The following CCNH variants were observed in gnomAD, a reference collection of about 807,000 sequenced individuals.
CCNH encodes cyclin-H.
Under a neutral mutation model 41.9 loss-of-function variants are expected in CCNH, and 31 were observed. The observed-to-expected ratio is 0.74, with a 90% CI of 0.56 to 1.00. The LOEUF (loss-of-function observed/expected upper bound fraction) is 1.00. CCNH is among the 50% of genes least tolerant of loss of function. The probability of loss-of-function intolerance (pLI) is 0.00; values close to 1 mark genes in which losing one functional copy is unlikely to be tolerated. For missense variants in CCNH, 362 were observed against 388.4 expected (o/e 0.93, Z 0.57); for synonymous variants, 138 against 136.1 (o/e 1.01, Z -0.10).
chr5:87,371,956 TTTA>T (rs1201746095), downstream of CCNH, among the ~76,000 whole-genome samples: 4 of 151,798 alleles, frequency 2.6e-5, no homozygotes, highest in Non-Finnish European at 4.4e-5. Flanking sequence ...TTATTGTTAT[TTTA>T]TTATTGGTTA....
downstream of CCNH, chr5:87,372,176 C>T (rs1760997238): frequency 6.2e-7 from 1 of 1,613,498 alleles, no homozygotes. Context: ...CCAGGGACAT[C>T]CAATAAACGC....
intron 9 of CCNH, chr5:87,349,505 CAT>C: frequency 1.0e-6 from 1 of 980,928 alleles, no homozygotes; most frequent in South Asian, 1.7e-5. Context: ...TCATAGTAGT[CAT>C]GCCCAAGAAT....
rs975753012 is a variant in CCNH at position 87,353,981 on chromosome 5, G to A, written c.*91-35084C>T. Reference sequence around the variant, plus strand: ...ATAATTTTCCTAAGTGGAAAATGGAGGTACTGTTATTCTAGGGACATAAAG... The same window carrying A: ...ATAATTTTCCTAAGTGGAAAATGGAAGTACTGTTATTCTAGGGACATAAAG... On this transcript the variant is annotated intron_variant and NMD_transcript_variant, in intron 9 of 9. Coordinates refer to the CCNH transcript ENST00000645953. Among the ~76,000 whole-genome samples the A allele has an allele frequency of 5.9e-5, 9 of 152,234 alleles. No homozygotes were observed. The East Asian group carries it at 1.5e-3, about 26-fold the overall frequency.
At chr5:87,353,334 C>A in intron 9 of CCNH, 1 of 907,014 alleles carries the variant, frequency 1.1e-6, no homozygotes, top group Non-Finnish European at 1.8e-6. Context: ...AAATTGGATA[C>A]AACTTAAAAC....
At chr5:87,380,052 T>G (rs1316748417), upstream of CCNH, among the ~76,000 whole-genome samples, 1 of 152,192 alleles carries the variant, frequency 6.6e-6, no homozygotes, top group Non-Finnish European at 1.5e-5. Flanking sequence ...CAAGCCAATA[T>G]GTCTGGTTTG....
At chr5:87,358,938 A>C (rs554274531) in intron 9 of CCNH, among the ~76,000 whole-genome samples, 1 of 132,958 alleles carries the variant, frequency 7.5e-6, no homozygotes, top group African/African-American at 2.8e-5. Context: ...AAAATTTAGC[A>C]AATTAGCAAA....
intron 9 of CCNH, among the ~76,000 whole-genome samples, chr5:87,366,132 C>T (rs887499464): frequency 4.6e-5 from 7 of 152,178 alleles, no homozygotes; most frequent in South Asian, 2.1e-4. Context: ...CAGTAAACTT[C>T]GTCAAATTAT....
At chr5:87,323,934 G>GTATTTTT (rs1757018748) in intron 9 of CCNH, among the ~76,000 whole-genome samples, 1 of 152,024 alleles carries the variant, frequency 6.6e-6, no homozygotes, top group Admixed American at 6.6e-5. Context: ...GATTACAGTT[G>GTATTTTT]CTTAATTTGT....
At chr5:87,317,610 T>C (rs1311136974), downstream of CCNH, among the ~76,000 whole-genome samples, 1 of 152,080 alleles carries the variant, frequency 6.6e-6, no homozygotes, top group Non-Finnish European at 1.5e-5. Flanking sequence ...CCTTTTTCCC[T>C]AATAAGACTG....
chr5:87,369,490 A>G (rs1458211833), intron 9 of CCNH, among the ~76,000 whole-genome samples: 2 of 152,168 alleles, frequency 1.3e-5, no homozygotes, highest in African/African-American at 2.4e-5. Flanking sequence ...GTGCATATAA[A>G]GCTTTTCAAA....
At chr5:87,333,027 ATCAT>A (rs993134855) in intron 9 of CCNH, among the ~76,000 whole-genome samples, 7 of 152,156 alleles carry the variant, frequency 4.6e-5, no homozygotes, top group Non-Finnish European at 7.4e-5. Context: ...AAATGAAATG[ATCAT>A]TCATATTACG....
chr5:87,352,995 A>C (rs779351431), intron 9 of CCNH, among the ~76,000 whole-genome samples: 25 of 152,168 alleles, frequency 1.6e-4, no homozygotes, highest in South Asian at 4.1e-4. Context: ...TTTCTAAAAT[A>C]ATATGAATGT....
Position 87,412,903 on chromosome 5 carries a change from G to T in CCNH, c.-109C>A, listed in dbSNP as rs1240560234. ...ACCGAAGATCTCGCGGAAGCCTAGG[G>T]CGTCCGGCTAGCCGGCGCTGGCGCG... On this transcript the variant is annotated 5_prime_UTR_variant, in exon 1 of 9. Coordinates refer to ENST00000256897, the MANE Select transcript of CCNH (RefSeq NM_001239.4). 3 of 1,501,200 alleles carry T rather than the reference G, an allele frequency of 2.0e-6. No individual in the cohort carries two copies. Among genetic ancestry groups the T allele is most frequent in the Non-Finnish European group, 2.7e-6 (3 of 1,125,310 alleles). The allele number at this position is 1,501,200 out of a possible 1,614,324, so 93.0% of individuals were successfully genotyped here. A position where few individuals can be genotyped will look rare whatever the true frequency, so the allele number is the denominator to read the frequency against.
chr5:87,330,099 G>T (rs1482616988), intron 9 of CCNH, among the ~76,000 whole-genome samples: 1 of 152,018 alleles, frequency 6.6e-6, no homozygotes, highest in East Asian at 1.9e-4. Flanking sequence ...GTAATGGAAC[G>T]CTATAAATAA....
chr5:87,329,281 C>CAAAAAAAA (rs571157213), intron 9 of CCNH, among the ~76,000 whole-genome samples: 1 of 119,160 alleles, frequency 8.4e-6, no homozygotes, highest in African/African-American at 3.1e-5. Flanking sequence ...TCTGTCTCTC[C>CAAAAAAAA]AAAAAAAAAA....
At chr5:87,380,466 T>C (rs1226745569), upstream of CCNH, 2 of 1,527,188 alleles carry the variant, frequency 1.3e-6, no homozygotes, top group Non-Finnish European at 1.8e-6. Flanking sequence ...GATCAGTGTT[T>C]TCACTTGCTT....
chr5:87,378,272 T>C, upstream of CCNH: 2 of 1,099,836 alleles, frequency 1.8e-6, no homozygotes, highest in Non-Finnish European at 2.8e-6. Flanking sequence ...CTTTCAACGC[T>C]GCACGCAAAA....
chr5:87,320,546 CAG>C (rs139066002), intron 9 of CCNH, among the ~76,000 whole-genome samples: 1 of 152,124 alleles, frequency 6.6e-6, no homozygotes, highest in Non-Finnish European at 1.5e-5. Context: ...TGACAGGAGA[CAG>C]AGAGAGTAAA....
intron 9 of CCNH, among the ~76,000 whole-genome samples, chr5:87,323,859 T>C (rs1757010854): frequency 6.6e-6 from 1 of 152,162 alleles, no homozygotes; most frequent in African/African-American, 2.4e-5. Flanking sequence ...AAATGTATGC[T>C]AAAATTCTAA....
Sources: allele counts gnomAD v4.1 joint callset (sites outside exome capture counted in the v4.1 genomes callset), GRCh38; gene constraint gnomAD v4.1.1; transcripts MANE v1.5; gene names NCBI Gene and HGNC (gene_info 2026-07-23, HGNC 2026-07-21).